Variants in TFEC observed in about 807,000 individuals in gnomAD.
The protein encoded by TFEC is transcription factor EC.
TFEC carries 31 observed loss-of-function variants against 41.6 expected under a neutral mutation model. That is an observed-to-expected ratio of 0.74 (90% CI 0.56 to 1.01). The LOEUF (loss-of-function observed/expected upper bound fraction) is 1.01, where lower values mean the gene tolerates loss of function less well. TFEC is among the 50% of genes least tolerant of loss of function. TFEC has a pLI of 0.00. For missense variants in TFEC, 402 were observed against 404.1 expected, an observed-to-expected ratio of 0.99 and a Z score of 0.04; for synonymous variants, 143 against 140.6, an observed-to-expected ratio of 1.02 and a Z score of -0.12.
At chr7:116,097,576 G>T in intron 3 of TFEC, among the ~76,000 whole-genome samples, 1 of 152,150 alleles carries the variant, frequency 6.6e-6, no homozygotes, top group East Asian at 1.9e-4. Context: ...CTTTTATAGT[G>T]TGGCGATGCA....
At position 116,030,750 on chromosome 7, in the gene TFEC, C is replaced by T. The variant is rs2130890877; in HGVS notation, c.-190G>A. 3.0e-6 allele frequency: 3 copies of T among 985,280 alleles called. No homozygotes were observed. The highest frequency in any genetic ancestry group is 1.7e-5 in the African/African-American group (1 of 57,298). The allele number at this position is 985,280 out of a possible 1,614,324, so 61.0% of individuals were successfully genotyped here. A position where few individuals can be genotyped will look rare whatever the true frequency, so the allele number is the denominator to read the frequency against. On this transcript the variant is annotated 5_prime_UTR_variant, in exon 1 of 8. Coordinates refer to ENST00000265440, the MANE Select transcript of TFEC (RefSeq NM_012252.4). ...GGACAACCAAAGTAAACGATCTAGC[C>T]GTGAGTAATGAATACTTTGGGCTGG...
At chr7:116,047,017 CTG>C (rs1796181509) in intron 3 of TFEC, among the ~76,000 whole-genome samples, 1 of 152,164 alleles carries the variant, frequency 6.6e-6, no homozygotes, top group African/African-American at 2.4e-5. Flanking sequence ...CCAGTAAACA[CTG>C]TTCAAATATA....
chr7:116,155,795 CTAAT>C (rs1030314344), intron 1 of TFEC, among the ~76,000 whole-genome samples: 2 of 152,066 alleles, frequency 1.3e-5, no homozygotes, highest in Non-Finnish European at 2.9e-5. Context: ...ACGGGGCTGC[CTAAT>C]TATTAAGATC....
chr7:116,051,628 G>T (rs73220433), intron 3 of TFEC, among the ~76,000 whole-genome samples: 26,266 of 151,894 alleles, frequency 0.17, 2,365 homozygotes, highest in East Asian at 0.32. Flanking sequence ...TTATATTTAG[G>T]TACATGTGTG....
chr7:116,066,866 C>CA (rs1796706088), intron 3 of TFEC, among the ~76,000 whole-genome samples: 1 of 151,840 alleles, frequency 6.6e-6, no homozygotes, highest in African/African-American at 2.4e-5. Flanking sequence ...TTACACAGTG[C>CA]AAGTATGTAT....
upstream of TFEC, among the ~76,000 whole-genome samples, chr7:116,034,580 T>C (rs924667568): frequency 6.6e-6 from 1 of 151,866 alleles, no homozygotes; most frequent in African/African-American, 2.4e-5. Context: ...ATTGCTATTA[T>C]CTGAGTCAAA....
At chr7:116,056,513 C>T (rs139505818) in intron 3 of TFEC, among the ~76,000 whole-genome samples, 39 of 152,240 alleles carry the variant, frequency 2.6e-4, no homozygotes, top group Admixed American at 8.5e-4. Flanking sequence ...AGTTCTCACA[C>T]CAGGCCAAGA....
intron 1 of TFEC, among the ~76,000 whole-genome samples, chr7:116,139,257 C>T (rs904815918): frequency 2.6e-5 from 4 of 152,138 alleles, no homozygotes; most frequent in Non-Finnish European, 2.9e-5. Context: ...AGTACAAGAG[C>T]GTTCTGATGA....
intron 3 of TFEC, among the ~76,000 whole-genome samples, chr7:116,039,988 A>C (rs1355854482): frequency 6.6e-6 from 1 of 152,112 alleles, no homozygotes; most frequent in African/African-American, 2.4e-5. Context: ...GTAAGACAGG[A>C]TATACTTTGC....
At chr7:116,011,822 C>G (rs1795012900) in intron 1 of TFEC, among the ~76,000 whole-genome samples, 1 of 152,032 alleles carries the variant, frequency 6.6e-6, no homozygotes, top group Admixed American at 6.6e-5. Flanking sequence ...CACAACAGAG[C>G]TAGTTGTTTA....
At chr7:116,023,154 C>T (rs1027285016) in intron 1 of TFEC, among the ~76,000 whole-genome samples, 9 of 151,676 alleles carry the variant, frequency 5.9e-5, no homozygotes, top group Non-Finnish European at 1.2e-4. Context: ...GTCTATTAGG[C>T]CTCTGAAGTT....
At chr7:116,092,888 A>AT (rs1797362253) in intron 3 of TFEC, among the ~76,000 whole-genome samples, 1 of 152,158 alleles carries the variant, frequency 6.6e-6, no homozygotes, top group Non-Finnish European at 1.5e-5. Context: ...GAGTCTGACC[A>AT]TTACTTTAGG....
At chr7:116,050,667 A>G (rs113011060) in intron 3 of TFEC, among the ~76,000 whole-genome samples, 93,345 of 152,054 alleles carry the variant, frequency 0.61, 29,204 homozygotes, top group East Asian at 0.74. Flanking sequence ...GAGAGGATGT[A>G]GAGAAATAGG....
intron 3 of TFEC, among the ~76,000 whole-genome samples, chr7:116,083,874 T>C (rs1797145549): frequency 6.6e-6 from 1 of 151,958 alleles, no homozygotes. Flanking sequence ...TTTGTTGTAA[T>C]GTTGTACTCT....
chr7:115,967,743 T>C (rs1219006371), intron 3 of TFEC, among the ~76,000 whole-genome samples: 4 of 151,786 alleles, frequency 2.6e-5, no homozygotes, highest in Admixed American at 6.6e-5. Flanking sequence ...TGGCAGATTA[T>C]CTGGAAATAC....
intron 3 of TFEC, among the ~76,000 whole-genome samples, chr7:116,092,957 A>G (rs1191872008): frequency 2.0e-5 from 3 of 152,172 alleles, no homozygotes; most frequent in Non-Finnish European, 2.9e-5. Flanking sequence ...AAAGGCCCCA[A>G]TAAGTGCCCT....
intron 3 of TFEC, among the ~76,000 whole-genome samples, chr7:115,970,254 C>T (rs888341848): frequency 6.6e-6 from 1 of 151,896 alleles, no homozygotes; most frequent in Non-Finnish European, 1.5e-5. Flanking sequence ...AAGTGGTGAA[C>T]CATGTTAAAT....
At chr7:115,988,607 G>A (rs1793964171) in intron 1 of TFEC, among the ~76,000 whole-genome samples, 1 of 152,032 alleles carries the variant, frequency 6.6e-6, no homozygotes, top group Admixed American at 6.5e-5. Context: ...TGTAACATGT[G>A]CACAGTGGGA....
At chr7:116,085,392 C>T (rs1053002134) in intron 3 of TFEC, among the ~76,000 whole-genome samples, 1 of 151,760 alleles carries the variant, frequency 6.6e-6, no homozygotes, top group Non-Finnish European at 1.5e-5. Flanking sequence ...AATAGAAATC[C>T]CATAAATCTT....
Sources: gnomAD v4.1 joint callset for allele counts (sites outside exome capture counted in the v4.1 genomes callset) on GRCh38, gnomAD v4.1.1 for gene constraint, MANE v1.5 for transcripts, NCBI Gene and HGNC (gene_info 2026-07-23, HGNC 2026-07-21) for gene names.